TMEM178B: variants seen among roughly 807,000 people sequenced by gnomAD.
TMEM178B encodes the protein transmembrane protein 178B.
Under a neutral mutation model 31.0 loss-of-function variants are expected in TMEM178B, and 5 were observed. That is an observed-to-expected ratio of 0.16 (90% CI 0.08 to 0.34). The LOEUF is 0.34. Among genes scored for constraint, TMEM178B ranks in the 10% least tolerant of loss-of-function variants. TMEM178B has a pLI of 1.00. For missense variants in TMEM178B, 275 were observed against 400.3 expected (o/e 0.69, Z 2.67); for synonymous variants, 164 against 164.0 (o/e 1.00, Z 0.00).
At chr7:141,109,518 T>C (rs1261797805) in intron 1 of TMEM178B, among the ~76,000 whole-genome samples, 1 of 152,188 alleles carries the variant, frequency 6.6e-6, no homozygotes, top group East Asian at 1.9e-4. Context: ...GTTCCTTTTC[T>C]TCAGTATACT....
rs149071381 is a variant in TMEM178B at position 141,449,907 on chromosome 7, A to G, written c.634+12162A>G. On this transcript the variant is annotated intron_variant, in intron 3 of 3. Coordinates refer to ENST00000565468, the MANE Select transcript of TMEM178B (RefSeq NM_001195278.2). ...GGAGAGGGACTCTGGGAAGGTCTCA[A>G]AGCATTACACTGGAGAGGATCTATG... Among the ~76,000 whole-genome samples the G allele has an allele frequency of 8.3e-4, 126 of 152,310 alleles. 3 individuals are homozygous for G. The East Asian group carries it at 0.022, about 27-fold the overall frequency.
In TMEM178B at chr7:141,263,220, TCTTACTGACCTCTGGCTTC is replaced by T. The variant is rs570790829; in HGVS notation, c.496+50518_496+50536del. The stretch of plus-strand genomic sequence containing the variant: ...TTTCAGACGTTGTTGTGGCTGACAC[TCTTACTGACCTCTGGCTTC>T]CCTGAGCATTCCTCTGGCTCCTTTT... On this transcript the variant is annotated intron_variant, in intron 2 of 3. Transcript: ENST00000565468. Among the ~76,000 whole-genome samples the T allele has an allele frequency of 3.0e-3, 464 of 152,320 alleles. 1 individual carries two copies. Among genetic ancestry groups the T allele is most frequent in the Non-Finnish European group, 4.7e-3 (321 of 68,022 alleles).
At chr7:141,247,919 C>T (rs1250090150) in intron 2 of TMEM178B, among the ~76,000 whole-genome samples, 1 of 152,054 alleles carries the variant, frequency 6.6e-6, no homozygotes, top group Non-Finnish European at 1.5e-5. Context: ...ATTGGGGGCT[C>T]TCAGGACCCT....
intron 2 of TMEM178B, among the ~76,000 whole-genome samples, chr7:141,381,688 G>A (rs1170267566): frequency 6.6e-6 from 1 of 152,160 alleles, no homozygotes; most frequent in Non-Finnish European, 1.5e-5. Context: ...CTTCTCTGAG[G>A]TTTTGTGTAA....
intron 3 of TMEM178B, among the ~76,000 whole-genome samples, chr7:141,466,951 A>G (rs1802156558): frequency 6.6e-6 from 1 of 152,116 alleles, no homozygotes. Flanking sequence ...TAATGCCAAG[A>G]CACAGCTTCC....
At chr7:141,214,093 A>G (rs1797093350) in intron 2 of TMEM178B, among the ~76,000 whole-genome samples, 1 of 152,200 alleles carries the variant, frequency 6.6e-6, no homozygotes, top group Non-Finnish European at 1.5e-5. Context: ...TTTCCTTTTC[A>G]AGGTAGACAT....
intron 2 of TMEM178B, among the ~76,000 whole-genome samples, chr7:141,291,292 TG>T (rs1798541866): frequency 1.3e-5 from 2 of 152,198 alleles, no homozygotes; most frequent in African/African-American, 4.8e-5. Flanking sequence ...AATCTTTTTA[TG>T]ATCTCGAGGC....
At chr7:141,383,088 T>C (rs770121302) in intron 2 of TMEM178B, among the ~76,000 whole-genome samples, 1 of 152,232 alleles carries the variant, frequency 6.6e-6, no homozygotes, top group Non-Finnish European at 1.5e-5. Flanking sequence ...CTTTACTTCC[T>C]TGATAGTGCG....
chr7:141,259,285 A>G (rs1033606544), intron 2 of TMEM178B, among the ~76,000 whole-genome samples: 1 of 152,110 alleles, frequency 6.6e-6, no homozygotes, highest in African/African-American at 2.4e-5. Flanking sequence ...TAACCCCAGA[A>G]TCTCTGTTTA....
intron 2 of TMEM178B, among the ~76,000 whole-genome samples, chr7:141,274,077 A>G (rs981153316): frequency 3.9e-5 from 6 of 152,136 alleles, no homozygotes; most frequent in African/African-American, 1.4e-4. Flanking sequence ...CTTTTTCAGA[A>G]CTCTGCTCAA....
At chr7:141,327,195 T>G (rs888550187) in intron 2 of TMEM178B, among the ~76,000 whole-genome samples, 1 of 152,164 alleles carries the variant, frequency 6.6e-6, no homozygotes, top group Non-Finnish European at 1.5e-5. Context: ...GTATAGAGTT[T>G]ATGAAGTTTT....
In TMEM178B at chr7:141,344,479, A is replaced by G. The variant is rs939801746; in HGVS notation, c.497-93129A>G. On this transcript the variant is annotated intron_variant, in intron 2 of 3. Transcript: ENST00000565468. This position sits in a 1 kb window ranked among gnomAD's most constrained non-coding sequence, Gnocchi z 4.1. ...TATAAGTTTCTCACACATTTTAGGC[A>G]CTCTTTTTACTTTGAAATTTTTAAA... is the stretch of plus-strand genomic sequence containing the variant. Among the ~76,000 whole-genome samples, 1 of 152,008 alleles carries G rather than the reference A, an allele frequency of 6.6e-6. No individual in the cohort carries two copies. The highest frequency in any genetic ancestry group is 6.6e-5 in the Admixed American group (1 of 15,264).
intron 1 of TMEM178B, among the ~76,000 whole-genome samples, chr7:141,192,861 C>T (rs78179786): frequency 0.013 from 1,924 of 152,338 alleles, 26 homozygotes; most frequent in Non-Finnish European, 0.02. Flanking sequence ...ATTCCATAAA[C>T]ATCTCTGCGA....
intron 1 of TMEM178B, among the ~76,000 whole-genome samples, chr7:141,104,739 A>T (rs1039418370): frequency 3.9e-5 from 6 of 152,160 alleles, no homozygotes; most frequent in African/African-American, 1.4e-4. Flanking sequence ...CTGGGCTTGT[A>T]GATGCTGTCT....
chr7:141,428,200 C>CT (rs1801355249), intron 2 of TMEM178B, among the ~76,000 whole-genome samples: 1 of 151,626 alleles, frequency 6.6e-6, no homozygotes, highest in African/African-American at 2.4e-5. Context: ...CCTGTCTCTA[C>CT]TAAAAATACA....
chr7:141,345,955 A>G (rs557365844), intron 2 of TMEM178B, among the ~76,000 whole-genome samples: 8 of 152,256 alleles, frequency 5.3e-5, no homozygotes, highest in South Asian at 2.1e-4. Flanking sequence ...TTCAGATCTT[A>G]TCTATGAAAT....
chr7:141,194,459 C>T (rs1345305216), intron 1 of TMEM178B, among the ~76,000 whole-genome samples: 2 of 152,204 alleles, frequency 1.3e-5, no homozygotes, highest in Non-Finnish European at 2.9e-5. Flanking sequence ...AATGTTAAAG[C>T]TCCAAAATGA....
At chr7:141,498,378 C>T in the TMEM178B span, among the ~76,000 whole-genome samples, 1 of 152,314 alleles carries the variant, frequency 6.6e-6, no homozygotes, top group African/African-American at 2.4e-5. Context: ...GTGAGTCTGC[C>T]CTGTGGCCTT....
chr7:141,088,797 G>T (rs937141493), intron 1 of TMEM178B, among the ~76,000 whole-genome samples: 1 of 152,012 alleles, frequency 6.6e-6, no homozygotes, highest in Non-Finnish European at 1.5e-5. Context: ...TGTGAATTGG[G>T]GATATGGAGG....
Sources: gnomAD v4.1 joint callset for allele counts (sites outside exome capture counted in the v4.1 genomes callset) on GRCh38, gnomAD v4.1.1 for gene constraint, Gnocchi (gnomAD v3.1) non-coding constraint, MANE v1.5 for transcripts, NCBI Gene and HGNC (gene_info 2026-07-23, HGNC 2026-07-21) for gene names.